STON2: variants seen among roughly 807,000 people sequenced by gnomAD.
The protein encoded by STON2 is stonin-2.
Under a neutral mutation model 65.7 loss-of-function variants are expected in STON2, and 29 were observed. The ratio of observed to expected loss-of-function variants is 0.44; its 90% CI spans 0.33 to 0.60. The LOEUF (loss-of-function observed/expected upper bound fraction) is 0.60. Ranked by LOEUF, STON2 falls within the 20% of genes least tolerant of loss-of-function variation. The pLI is 0.03. For missense variants in STON2, 1,054 were observed against 1,118.1 expected, an observed-to-expected ratio of 0.94 and a Z score of 0.82; for synonymous variants, 404 against 414.2, an observed-to-expected ratio of 0.98 and a Z score of 0.30.
At chr14:81,290,484 T>C (rs2140154229) in intron 5 of STON2, among the ~76,000 whole-genome samples, 1 of 152,304 alleles carries the variant, frequency 6.6e-6, no homozygotes, top group Non-Finnish European at 1.5e-5. Context: ...AGAAGATGCG[T>C]TCTGAGTCTG....
chr14:81,430,884 C>G (rs1476359147), intron 1 of STON2, among the ~76,000 whole-genome samples: 1 of 152,186 alleles, frequency 6.6e-6, no homozygotes. Flanking sequence ...AATTGTTCAG[C>G]ATTTCAAATC....
chr14:81,308,780 C>CCA (rs1331495723), intron 5 of STON2, among the ~76,000 whole-genome samples: 150 of 1,782 alleles, frequency 0.084, no homozygotes, highest in Middle Eastern at 0.25. Flanking sequence ...ATGGTTTTAC[C>CCA]CATATATATA....
Position 81,269,753 on chromosome 14 carries a change from C to G in STON2, c.2784+917G>C, listed in dbSNP as rs2140097500. ...CTTTGCAAAATCCTTCTTTAACAAA[C>G]TCCTTTTCCAATCGTTGGCATTTAA... On this transcript the variant is annotated intron_variant, in intron 7 of 7. Transcript: ENST00000614646. 6.1e-6 allele frequency: 6 copies of G among 985,272 alleles called. No individual in the cohort carries two copies. In the South Asian group the frequency reaches 2.8e-4, roughly 46 times the overall value. 61.0% of individuals were successfully genotyped at this position (985,272 alleles called of 1,614,324 possible).
intron 2 of STON2, among the ~76,000 whole-genome samples, chr14:81,397,481 A>G (rs1900382667): frequency 6.6e-6 from 1 of 152,216 alleles, no homozygotes; most frequent in South Asian, 2.1e-4. Context: ...TCTGATGCTT[A>G]CAGCACATCC....
intron 4 of STON2, among the ~76,000 whole-genome samples, chr14:81,343,060 T>C (rs929197821): frequency 6.6e-6 from 1 of 152,154 alleles, no homozygotes; most frequent in Non-Finnish European, 1.5e-5. Flanking sequence ...ATCATCTTCT[T>C]TCCTTAGATA....
intron 2 of STON2, among the ~76,000 whole-genome samples, chr14:81,405,779 T>C (rs1261055565): frequency 2.6e-5 from 4 of 152,160 alleles, no homozygotes; most frequent in Non-Finnish European, 5.9e-5. Flanking sequence ...ATGGTTAATA[T>C]TGAGCGTCAA....
At chr14:81,370,857 G>C (rs1213909167) in intron 4 of STON2, 131 bp downstream of exon 4, 1 of 803,256 alleles carries the variant, frequency 1.2e-6, no homozygotes, top group African/African-American at 1.7e-5. Context: ...CTAGCTTTTT[G>C]ACTGGATAAC....
At chr14:81,366,850 A>G (rs916755330) in intron 4 of STON2, among the ~76,000 whole-genome samples, 4 of 152,102 alleles carry the variant, frequency 2.6e-5, no homozygotes, top group Non-Finnish European at 4.4e-5. Flanking sequence ...TTATTCCTAC[A>G]GCACTTGGCA....
At chr14:81,379,452 T>C (rs189197558) in intron 3 of STON2, among the ~76,000 whole-genome samples, 32 of 152,286 alleles carry the variant, frequency 2.1e-4, no homozygotes, top group African/African-American at 4.6e-4. Flanking sequence ...CATTTAGAGA[T>C]TGAAAGATTT....
At chr14:81,337,376 T>C (rs79514493) in intron 4 of STON2, among the ~76,000 whole-genome samples, 1,939 of 152,326 alleles carry the variant, frequency 0.013, 37 homozygotes, top group African/African-American at 0.044. Context: ...GCACCGGTGA[T>C]ACGCCAATGA....
chr14:81,397,014 C>T (rs955568702), intron 2 of STON2, among the ~76,000 whole-genome samples: 3 of 152,146 alleles, frequency 2.0e-5, no homozygotes, highest in Non-Finnish European at 2.9e-5. Flanking sequence ...GCTGAGACTG[C>T]ACCACTGCAC....
At chr14:81,321,022 A>G (rs959053363) in intron 5 of STON2, among the ~76,000 whole-genome samples, 1 of 152,014 alleles carries the variant, frequency 6.6e-6, no homozygotes, top group African/African-American at 2.4e-5. Flanking sequence ...TCCCTTCTTT[A>G]CCCACCCTTG....
At chr14:81,424,364 AAC>A (rs1326852059) in intron 2 of STON2, among the ~76,000 whole-genome samples, 1 of 152,142 alleles carries the variant, frequency 6.6e-6, no homozygotes, top group African/African-American at 2.4e-5. Context: ...GAATCGCTTG[AAC>A]ACGGGAAGCT....
intron 3 of STON2, among the ~76,000 whole-genome samples, chr14:81,375,589 T>C (rs189978474): frequency 6.6e-6 from 1 of 152,116 alleles, no homozygotes; most frequent in East Asian, 1.9e-4. Context: ...ATCATCATAA[T>C]GGAAGATGTT....
intron 5 of STON2, among the ~76,000 whole-genome samples, chr14:81,299,898 T>TTTTTTTG (rs59997170): frequency 1.3e-5 from 2 of 151,308 alleles, no homozygotes; most frequent in African/African-American, 4.9e-5. Flanking sequence ...TTTTTTTTTT[T>TTTTTTTG]AAATTGATCT....
rs144073965 is a variant in STON2 at position 81,407,794 on chromosome 14, T to C, written c.-198-9214A>G. On this transcript the variant is annotated intron_variant, in intron 2 of 8. Transcript: ENST00000553821. Reference sequence around the variant, plus strand: ...TACATATTTCTTTACAGTGTTCTTCTAAAGCAAGATATTCAGCTACCTTAT... The same window carrying C: ...TACATATTTCTTTACAGTGTTCTTCCAAAGCAAGATATTCAGCTACCTTAT... 7.3e-3 allele frequency among the ~76,000 whole-genome samples: 1,111 copies of C among 152,332 alleles called. 12 individuals carry two copies. Among genetic ancestry groups the C allele is most frequent in the African/African-American group, 0.025 (1,036 of 41,574 alleles).
chr14:81,267,068 T>C lies in STON2; in HGVS notation c.*1346A>G. The stretch of plus-strand genomic sequence containing the variant: ...CATCAGCCAAAAACTGGAGATATTT[T>C]TCATTTCTGCATCATCTACAAATCC... On this transcript the variant is annotated 3_prime_UTR_variant, in exon 8 of 8. Coordinates refer to ENST00000614646, the MANE Select transcript of STON2 (RefSeq NM_001394390.1). 3.0e-6 allele frequency: 3 copies of C among 985,324 alleles called. No homozygotes were observed. The highest frequency in any genetic ancestry group is 3.6e-6 in the Non-Finnish European group (3 of 829,824). The allele number at this position is 985,324 out of a possible 1,614,324, so 61.0% of individuals were successfully genotyped here. A position where few individuals can be genotyped will look rare whatever the true frequency, so the allele number is the denominator to read the frequency against.
chr14:81,299,285 G>C (rs1895882595), intron 5 of STON2, among the ~76,000 whole-genome samples: 1 of 152,138 alleles, frequency 6.6e-6, no homozygotes, highest in South Asian at 2.1e-4. Flanking sequence ...GGTAGAAAAA[G>C]TATGGTAAAA....
At chr14:81,315,390 A>C (rs1280797928) in intron 5 of STON2, among the ~76,000 whole-genome samples, 1 of 152,242 alleles carries the variant, frequency 6.6e-6, no homozygotes, top group African/African-American at 2.4e-5. Flanking sequence ...CATGATTCTT[A>C]GCCCCTGCTT....
Sources: gnomAD v4.1 joint callset for allele counts (sites outside exome capture counted in the v4.1 genomes callset) on GRCh38, gnomAD v4.1.1 for gene constraint, MANE v1.5 for transcripts, NCBI Gene and HGNC (gene_info 2026-07-23, HGNC 2026-07-21) for gene names.